Variants in RFTN2 observed in about 807,000 individuals in gnomAD.
RFTN2 encodes the protein raftlin family member 2.
A neutral mutation model predicts 52.7 loss-of-function variants in RFTN2; 34 were observed. The observed-to-expected ratio is 0.64, with a 90% CI of 0.49 to 0.86. RFTN2 has a LOEUF of 0.86. Among genes scored for constraint, RFTN2 ranks in the 40% least tolerant of loss-of-function variants. The pLI is 0.00. For synonymous variants in RFTN2, 203 were observed against 217.7 expected, an observed-to-expected ratio of 0.93 and a Z score of 0.59; for missense variants, 536 against 600.1, an observed-to-expected ratio of 0.89 and a Z score of 1.12.
chr2:197,653,985 C>T (rs6733834), intron 1 of RFTN2, among the ~76,000 whole-genome samples: 6 of 152,086 alleles, frequency 3.9e-5, no homozygotes, highest in African/African-American at 1.4e-4. Flanking sequence ...AAACCAGGAT[C>T]ATTTATCTTA....
At chr2:197,576,086 G>C (rs2087414984) in intron 8 of RFTN2, among the ~76,000 whole-genome samples, 1 of 151,634 alleles carries the variant, frequency 6.6e-6, no homozygotes, top group Non-Finnish European at 1.5e-5. Flanking sequence ...CCAGCACACT[G>C]TAGCTTCTGC....
chr2:197,583,904 T>C (rs2087551967), intron 8 of RFTN2, among the ~76,000 whole-genome samples: 1 of 152,100 alleles, frequency 6.6e-6, no homozygotes, highest in African/African-American at 2.4e-5. Context: ...TGCGATAGTT[T>C]ACTGAGAATG....
chr2:197,617,965 G>A lies in RFTN2; in HGVS notation c.929-44C>T, dbSNP rs764262952. 2.0e-6 allele frequency: 3 copies of A among 1,466,604 alleles called. 1 individual carries two copies. The highest frequency in any genetic ancestry group is 2.7e-6 in the Non-Finnish European group (3 of 1,100,236). 90.8% of individuals were successfully genotyped at this position (1,466,604 alleles called of 1,614,324 possible). A position where few individuals can be genotyped will look rare whatever the true frequency, so the allele number is the denominator to read the frequency against. On this transcript the variant is annotated intron_variant, in intron 5 of 8. Transcript: ENST00000295049. ...AATTAAGAAGGGTTGTAAATACTAA[G>A]TGGCTCATAAAACCATCTAAATCCT...
At chr2:197,667,624 C>T (rs1338955174) in intron 1 of RFTN2, among the ~76,000 whole-genome samples, 6 of 152,204 alleles carry the variant, frequency 3.9e-5, no homozygotes, top group Non-Finnish European at 5.9e-5. Context: ...TCTATGGTGT[C>T]GGTTGGGTAG....
At chr2:197,656,247 T>G (rs2088892535) in intron 1 of RFTN2, among the ~76,000 whole-genome samples, 1 of 152,070 alleles carries the variant, frequency 6.6e-6, no homozygotes, top group Admixed American at 6.6e-5. Context: ...TCCTAGAGAG[T>G]GTCTGGCACA....
intron 5 of RFTN2, among the ~76,000 whole-genome samples, chr2:197,620,151 C>T (rs2088238467): frequency 6.6e-6 from 1 of 151,330 alleles, no homozygotes; most frequent in African/African-American, 2.4e-5. Context: ...TTCAAAAGAC[C>T]TAAACACAGA....
At chr2:197,582,685 G>A (rs2087528723) in intron 8 of RFTN2, among the ~76,000 whole-genome samples, 1 of 152,154 alleles carries the variant, frequency 6.6e-6, no homozygotes, top group African/African-American at 2.4e-5. Context: ...ACACCACCAT[G>A]CTGTTATATG....
At chr2:197,645,180 T>C (rs985298317) in intron 2 of RFTN2, among the ~76,000 whole-genome samples, 5 of 152,152 alleles carry the variant, frequency 3.3e-5, no homozygotes, top group African/African-American at 1.2e-4. Flanking sequence ...CGTAAGATTA[T>C]AGAGTAACGT....
At chr2:197,612,108 G>C (rs572034677) in intron 7 of RFTN2, among the ~76,000 whole-genome samples, 2 of 152,320 alleles carry the variant, frequency 1.3e-5, no homozygotes, top group African/African-American at 4.8e-5. Context: ...GGAGAGTTCT[G>C]TAGGTGTCTA....
rs554890509 is a variant in RFTN2, at chr2:197,573,400, T to C, written c.1234-1120A>G. Among the ~76,000 whole-genome samples the C allele has an allele frequency of 1.1e-4, 17 of 152,332 alleles. 1 individual carries two copies. The South Asian group carries it at 3.3e-3, about 30-fold the overall frequency. ...GACTGGTGGCATTTTGCCCTTGCCCTCAAGATATGTGGAACTTTGAACTTG... is the reference window on the plus strand; with the variant it reads ...GACTGGTGGCATTTTGCCCTTGCCCCCAAGATATGTGGAACTTTGAACTTG... On this transcript the variant is annotated intron_variant, in intron 8 of 8. Transcript: ENST00000295049.
chr2:197,624,454 C>T (rs1306374231), intron 5 of RFTN2, among the ~76,000 whole-genome samples: 5 of 151,492 alleles, frequency 3.3e-5, no homozygotes, highest in Non-Finnish European at 5.9e-5. Flanking sequence ...AAAAATTAGC[C>T]GGGCGTGGTG....
chr2:197,660,218 C>T (rs1463976149), intron 1 of RFTN2, among the ~76,000 whole-genome samples: 1 of 152,166 alleles, frequency 6.6e-6, no homozygotes, highest in Non-Finnish European at 1.5e-5. Flanking sequence ...AAAATTCCGA[C>T]ATGAGCTGGG....
intron 7 of RFTN2, among the ~76,000 whole-genome samples, chr2:197,610,497 T>C (rs2088038697): frequency 6.6e-6 from 1 of 152,242 alleles, no homozygotes; most frequent in Admixed American, 6.5e-5. Context: ...GCTTATCAGC[T>C]TAAGGAGATT....
chr2:197,625,047 C>T (rs577463829), intron 5 of RFTN2, among the ~76,000 whole-genome samples: 1 of 152,286 alleles, frequency 6.6e-6, no homozygotes, highest in South Asian at 2.1e-4. Flanking sequence ...AGAGGCAAGA[C>T]CCTCTACCAT....
chr2:197,665,407 T>C (rs956111101), intron 1 of RFTN2, among the ~76,000 whole-genome samples: 1 of 152,134 alleles, frequency 6.6e-6, no homozygotes, highest in African/African-American at 2.4e-5. Flanking sequence ...TCTCTTTAGA[T>C]CTAGCAATAT....
intron 5 of RFTN2, among the ~76,000 whole-genome samples, chr2:197,622,896 C>G (rs6727012): frequency 0.018 from 2,760 of 152,268 alleles, 84 homozygotes; most frequent in African/African-American, 0.064. Flanking sequence ...GCAAGGGTTA[C>G]TGAATATTTT....
At chr2:197,608,523 A>G (rs2087998674) in intron 7 of RFTN2, among the ~76,000 whole-genome samples, 1 of 151,158 alleles carries the variant, frequency 6.6e-6, no homozygotes, top group Non-Finnish European at 1.5e-5. Context: ...CATGTTAGCT[A>G]GGCTGGTCTC....
intron 3 of RFTN2, among the ~76,000 whole-genome samples, chr2:197,639,704 A>G (rs2106243823): frequency 8.0e-6 from 1 of 125,572 alleles, no homozygotes; most frequent in East Asian, 2.3e-4. Flanking sequence ...CGTAGCTCAG[A>G]GTAATTTGAT....
chr2:197,574,652 G>T (rs1220246890), intron 8 of RFTN2, among the ~76,000 whole-genome samples: 1 of 152,136 alleles, frequency 6.6e-6, no homozygotes, highest in Non-Finnish European at 1.5e-5. Context: ...AGGAACACTT[G>T]AGGTCAGGAG....
Sources: allele counts gnomAD v4.1 joint callset (sites outside exome capture counted in the v4.1 genomes callset), GRCh38; gene constraint gnomAD v4.1.1; transcripts MANE v1.5; gene names NCBI Gene and HGNC (gene_info 2026-07-23, HGNC 2026-07-21).